GH2: variants seen among roughly 807,000 people sequenced by gnomAD.
GH2 encodes the protein growth hormone 2.
Under a neutral mutation model 24.1 loss-of-function variants are expected in GH2, and 17 were observed. The ratio of observed to expected loss-of-function variants is 0.71; its 90% CI spans 0.48 to 1.06. The LOEUF is 1.06. Ranked by LOEUF, GH2 falls within the 50% of genes least tolerant of loss-of-function variation. The probability of loss-of-function intolerance (pLI) is 0.00; values close to 1 mark genes in which losing one functional copy is unlikely to be tolerated. For synonymous variants in GH2, 126 were observed against 118.7 expected (o/e 1.06, Z -0.40); for missense variants, 305 against 273.1 (o/e 1.12, Z -0.82).
Position 63,881,363 on chromosome 17 carries a change from T to G in GH2, c.167A>C (p.Glu56Ala), listed in dbSNP as rs1905514718. ...ACCCATTACCCAAGAGCTTACAAAC[T>G]CCTGATAGGTGTCATATGCCAGCTG... ...LYQLAYDTYQ[E>A]FEEAYILKEQ... The change falls in exon 2 of 5, where the codon GAG becomes GCG. Residue 56 changes from glutamate to alanine, a missense_variant. Glu to Ala is a moderately radical substitution (Grantham distance 107). Transcript: ENST00000423893. 6.2e-7 allele frequency: 1 copy of G among 1,613,900 alleles called. No individual in the cohort carries two copies. Among genetic ancestry groups the G allele is most frequent in the Non-Finnish European group, 8.5e-7 (1 of 1,179,888 alleles).
At chr17:63,881,202 A>G in intron 2 of GH2, 54 bp from the exon 3 acceptor site, 7 of 1,613,814 alleles carry the variant, frequency 4.3e-6, no homozygotes, top group Non-Finnish European at 3.4e-6. Flanking sequence ...TCCCATTGTT[A>G]CTTTTCTGGG....
In GH2 at chr17:63,880,876, G is replaced by A. The variant is rs143091243; in HGVS notation, c.352C>T (p.Leu118Phe). ...LIQSWLEPVQ[L>F]LRSVFANSLV... is the part of the protein sequence containing the mutation. ...CTGTTGGCGAAGACGCTCCTGAGGA[G>A]CTGCACGGGCTCCAGCCATGACTGG... The change falls in exon 4 of 5, where the codon CTC becomes TTC. Residue 118 changes from leucine to phenylalanine, a missense_variant. Physicochemically the swap from Leu to Phe is conservative, Grantham distance 22 (BLOSUM62 0). Transcript: ENST00000423893. 2.5e-6 allele frequency: 4 copies of A among 1,614,104 alleles called. No homozygotes were observed. Among genetic ancestry groups the A allele is most frequent in the East Asian group, 2.2e-5 (1 of 44,878 alleles).
chr17:63,880,442 T>C lies in GH2; in HGVS notation c.533A>G (p.Asn178Ser). ...SYSKFDTKSHNDDALLKNYGL... is the reference protein window; with the variant it reads ...SYSKFDTKSHSDDALLKNYGL... ...GTAGTTCTTGAGCAGTGCGTCATCG[T>C]TGTGCGATTTTGTGTCAAACTTGCT... Residue 178 changes from asparagine to serine, a missense_variant, in exon 5 of 5, where the codon AAC (asparagine) becomes AGC (serine). By Grantham distance (46) the Asn-to-Ser change is conservative (BLOSUM62 1). Transcript: ENST00000423893. 6.2e-7 allele frequency: 1 copy of C among 1,613,756 alleles called. No individual in the cohort carries two copies. The highest frequency in any genetic ancestry group is 8.5e-7 in the Non-Finnish European group (1 of 1,179,766).
At position 63,881,808 on chromosome 17, in the gene GH2, T is replaced by A; in HGVS notation, c.-7A>T. On this transcript the variant is annotated 5_prime_UTR_variant, in exon 1 of 5. Coordinates refer to ENST00000423893, the MANE Select transcript of GH2 (RefSeq NM_002059.5). ...GGCGCTTACCTGCAGCCATTGCCGC[T>A]AGGTGAGCTGTCCACAGGACCCTGA... is the stretch of plus-strand genomic sequence containing the variant. 6.2e-7 allele frequency: 1 copy of A among 1,613,550 alleles called. No homozygotes were observed. Among genetic ancestry groups the A allele is most frequent in the East Asian group, 2.2e-5 (1 of 44,880 alleles).
intron 4 of GH2, 109 bp from the exon 5 acceptor site, chr17:63,880,627 G>A: frequency 6.2e-7 from 1 of 1,614,018 alleles, no homozygotes; most frequent in Admixed American, 1.7e-5. Context: ...GAAAGGCCTG[G>A]AGGATTCACG....
intron 4 of GH2, 70 bp from the exon 5 acceptor site, chr17:63,880,588 A>G (rs1480980025): frequency 2.5e-6 from 4 of 1,613,526 alleles, no homozygotes; most frequent in Non-Finnish European, 3.4e-6. Context: ...TCATTCATCC[A>G]TTTTCCTCCC....
In GH2 at chr17:63,881,029, A is replaced by G. The variant is rs199812075; in HGVS notation, c.291T>C (p.Ser97=). The change falls in exon 3 of 5, where the codon TCT becomes TCC. Residue 97 remains serine, a splice_region_variant and synonymous_variant. Transcript: ENST00000423893. ...PSNRVKTQQK[S]NLELLRISLL... is the part of the protein sequence containing the mutation. Reference sequence around the variant, plus strand: ...ACCTGGGGAGAAGGCATCCACTCACAGATTTCTGCTGCGTTTTCACCCTGT... The same window carrying G: ...ACCTGGGGAGAAGGCATCCACTCACGGATTTCTGCTGCGTTTTCACCCTGT... The G allele has an allele frequency of 2.2e-5, 36 of 1,614,094 alleles. No individual in the cohort carries two copies. Among genetic ancestry groups the G allele is most frequent in the East Asian group, 4.5e-5 (2 of 44,892 alleles).
At chr17:63,881,636 C>T (rs547380214) in intron 1 of GH2, 117 bp from the exon 2 acceptor site, 17 of 1,604,914 alleles carry the variant, frequency 1.1e-5, no homozygotes, top group African/African-American at 5.4e-5. Context: ...CTCCAGGGAC[C>T]AGGAACATTC....
At position 63,880,716 on chromosome 17, in the gene GH2, C is replaced by G. The variant is rs750810553; in HGVS notation, c.456+56G>C. Reference sequence around the variant, plus strand: ...AAGAGGGCAGCAGTGTTTCTCTCCCCAGTCCCTGGAAGCCAGTGGGGCCCC... The same window carrying G: ...AAGAGGGCAGCAGTGTTTCTCTCCCGAGTCCCTGGAAGCCAGTGGGGCCCC... On this transcript the variant is annotated intron_variant, in intron 4 of 4. Transcript: ENST00000423893. The G allele has an allele frequency of 1.9e-6, 3 of 1,614,106 alleles. No homozygotes were observed. The Admixed American group carries it at 5.0e-5, about 27-fold the overall frequency.
Position 63,880,757 on chromosome 17 carries a change from T to C in GH2, c.456+15A>G. The C allele has an allele frequency of 6.2e-7, 1 of 1,614,096 alleles. No homozygotes were observed. The highest frequency in any genetic ancestry group is 1.1e-5 in the South Asian group (1 of 91,080). Reference sequence around the variant, plus strand: ...GTGGGGCCCCAGGATTGGGGATCCCTGGTGCCACCCTCACCCACATCAGCG... The same window carrying C: ...GTGGGGCCCCAGGATTGGGGATCCCCGGTGCCACCCTCACCCACATCAGCG... On this transcript the variant is annotated intron_variant, in intron 4 of 4. Coordinates refer to ENST00000423893, the MANE Select transcript of GH2 (RefSeq NM_002059.5).
chr17:63,880,739 C>T (rs367769366), intron 4 of GH2, 33 bp downstream of exon 4: 3 of 1,614,048 alleles, frequency 1.9e-6, no homozygotes, highest in Non-Finnish European at 1.7e-6. Flanking sequence ...CCAGTGGGGC[C>T]CCAGGATTGG....
chr17:63,880,286 A>G lies in GH2; in HGVS notation c.*35T>C. On this transcript the variant is annotated 3_prime_UTR_variant, in exon 5 of 5. Transcript: ENST00000423893. Reference sequence around the variant, plus strand: ...AGCACCTTCCACGACCAGGAGAGGCACTGGGGAGGGGTCACAGGGATGCCA... The same window carrying G: ...AGCACCTTCCACGACCAGGAGAGGCGCTGGGGAGGGGTCACAGGGATGCCA... 1.2e-6 allele frequency: 2 copies of G among 1,613,768 alleles called. No homozygotes were observed. Among genetic ancestry groups the G allele is most frequent in the Non-Finnish European group, 1.7e-6 (2 of 1,179,774 alleles).
chr17:63,881,509 C>A lies in GH2; in HGVS notation c.21G>T (p.Thr7=), dbSNP rs575109957. 5.6e-6 allele frequency: 9 copies of A among 1,613,718 alleles called. No individual in the cohort carries two copies. The highest frequency in any genetic ancestry group is 2.2e-5 in the South Asian group (2 of 91,072). Residue 7 remains threonine, a synonymous_variant, in exon 2 of 5, where the codon ACG becomes ACT. Coordinates refer to ENST00000423893, the MANE Select transcript of GH2 (RefSeq NM_002059.5). The stretch of plus-strand genomic sequence containing the variant: ...GCAGGCCAAAAGCCAGGAGCAGGGA[C>A]GTCCGGGAGCCTGGGGAGAAACCGG... The part of the protein sequence containing the change: MAAGSR[T]SLLLAFGLLC...
rs745916178 is a variant in GH2, at chr17:63,880,499, G to A, written c.476C>T (p.Pro159Leu). ...TLMWRLEDGS[P>L]RTGQIFNQSY... ...CTGATTGAAGATCTGCCCAGTCCGG[G>A]GGCTGCCATCTTCCAGCCTCTGCAA... is the stretch of plus-strand genomic sequence containing the variant. Residue 159 changes from proline to leucine, a missense_variant, in exon 5 of 5, where the codon CCC (proline) becomes CTC (leucine). Physicochemically the swap from Pro to Leu is moderately conservative, Grantham distance 98. Coordinates refer to ENST00000423893, the MANE Select transcript of GH2 (RefSeq NM_002059.5). 1 of 1,613,794 alleles carries A rather than the reference G, an allele frequency of 6.2e-7. No homozygotes were observed. The highest frequency in any genetic ancestry group is 1.1e-5 in the South Asian group (1 of 91,064).
rs747132707 is a variant in GH2 at position 63,881,415 on chromosome 17, C to T, written c.115G>A (p.Ala39Thr). The part of the protein sequence containing the change: ...TIPLSRLFDN[A>T]MLRARRLYQL... ...TACAGGCGACGGGCGCGGAGCATAG[C>T]GTTGTCAAAAAGCCTGGATAAGGGA... Residue 39 changes from alanine to threonine, a missense_variant, in exon 2 of 5, where the codon GCT becomes ACT. Transcript: ENST00000423893. 5 of 1,613,970 alleles carry T rather than the reference C, an allele frequency of 3.1e-6. No homozygotes were observed. Among genetic ancestry groups the T allele is most frequent in the East Asian group, 2.2e-5 (1 of 44,884 alleles).
chr17:63,881,648 G>C (rs1359709922), intron 1 of GH2, 129 bp from the exon 2 acceptor site: 1 of 1,606,506 alleles, frequency 6.2e-7, no homozygotes, highest in Admixed American at 1.7e-5. Context: ...GGAACATTCA[G>C]AGATTGGCCA....
In GH2 at chr17:63,880,297, G is replaced by C. The variant is rs756006132; in HGVS notation, c.*24C>G. On this transcript the variant is annotated 3_prime_UTR_variant, in exon 5 of 5. Transcript: ENST00000423893. Reference sequence around the variant, plus strand: ...CGACCAGGAGAGGCACTGGGGAGGGGTCACAGGGATGCCACCCGGGCAGCT... The same window carrying C: ...CGACCAGGAGAGGCACTGGGGAGGGCTCACAGGGATGCCACCCGGGCAGCT... 6.2e-7 allele frequency: 1 copy of C among 1,613,806 alleles called. No homozygotes were observed. Among genetic ancestry groups the C allele is most frequent in the South Asian group, 1.1e-5 (1 of 91,060 alleles).
Position 63,880,782 on chromosome 17 carries a change from G to T in GH2, c.446C>A (p.Thr149Lys), listed in dbSNP as rs1386473073. The change falls in exon 4 of 5, where the codon ACG (threonine) becomes AAG (lysine). Residue 149 changes from threonine to lysine, a missense_variant. Thr to Lys is a moderately conservative substitution (Grantham distance 78). Transcript: ENST00000423893. ...HLKDLEEGIQ[T>K]LMWRLEDGSP... ...TGGTGCCACCCTCACCCACATCAGC[G>T]TTTGGATGCCTTCCTCTAGGTCCTT... is the stretch of plus-strand genomic sequence containing the variant. The T allele has an allele frequency of 1.2e-6, 2 of 1,613,952 alleles. No homozygotes were observed. The highest frequency in any genetic ancestry group is 1.6e-4 in the Middle Eastern group (1 of 6,084).
Position 63,881,100 on chromosome 17 carries a change from G to T in GH2, c.220C>A (p.Pro74Thr), listed in dbSNP as rs753727760. Residue 74 changes from proline (P) to threonine (T), a missense_variant, in exon 3 of 5, where the codon CCC becomes ACC. By Grantham distance (38) the Pro-to-Thr change is conservative. Transcript: ENST00000423893. ...TCTGAGAAGCAGAGGGAGGTCTGGG[G>T]GTTCTGCAGGAATGAATACTTCTGC... ...KEQKYSFLQN[P>T]QTSLCFSESI... The T allele has an allele frequency of 1.9e-6, 3 of 1,614,080 alleles. No individual in the cohort carries two copies. The highest frequency in any genetic ancestry group is 1.3e-5 in the African/African-American group (1 of 75,056).
Sources: gnomAD v4.1 joint callset for allele counts on GRCh38, gnomAD v4.1.1 for gene constraint, MANE v1.5 for transcripts, NCBI Gene and HGNC (gene_info 2026-07-23, HGNC 2026-07-21) for gene names.